PPFIA1: variants seen among roughly 807,000 people sequenced by gnomAD.
PPFIA1 encodes the protein PPFI scaffold protein A1, also known as liprin-alpha-1.
In PPFIA1, 25 loss-of-function variants were observed where a neutral mutation model predicts 149.9. That is an observed-to-expected ratio of 0.17 (90% CI 0.12 to 0.23). The LOEUF (loss-of-function observed/expected upper bound fraction) is 0.23, where lower values mean the gene tolerates loss of function less well. Among genes scored for constraint, PPFIA1 ranks in the 10% least tolerant of loss-of-function variants. The probability of loss-of-function intolerance (pLI) is 1.00; values close to 1 mark genes in which losing one functional copy is unlikely to be tolerated. For missense variants in PPFIA1, 1,362 were observed against 1,506.5 expected (o/e 0.90, Z 1.59); for synonymous variants, 549 against 552.8 (o/e 0.99, Z 0.10).
At chr11:70,374,664 A>C (rs1445109593) in intron 23 of PPFIA1, 6 of 407,890 alleles carry the variant, frequency 1.5e-5, no homozygotes, top group Non-Finnish European at 2.2e-5. Context: ...CTCTAGAAAT[A>C]ATAACTTCAT....
chr11:70,284,495 T>G (rs1299765958), intron 2 of PPFIA1, among the ~76,000 whole-genome samples: 1 of 138,088 alleles, frequency 7.2e-6, no homozygotes, highest in Non-Finnish European at 1.5e-5. Flanking sequence ...CAGTCAGTGG[T>G]AGAGACAGGG....
intron 13 of PPFIA1, 97 bp from the exon 14 acceptor site, chr11:70,339,074 G>A (rs2055150448): frequency 1.4e-6 from 2 of 1,447,762 alleles, no homozygotes; most frequent in Non-Finnish European, 1.9e-6. Flanking sequence ...TTTCCTGTGT[G>A]GAATAACTTT....
intron 2 of PPFIA1, among the ~76,000 whole-genome samples, chr11:70,320,572 C>T (rs554144963): frequency 6.6e-6 from 1 of 151,452 alleles, no homozygotes; most frequent in Non-Finnish European, 1.5e-5. Context: ...GCTACTGGGT[C>T]TACGCATGGT....
chr11:70,366,584 G>T (rs1053813767), intron 21 of PPFIA1, among the ~76,000 whole-genome samples: 1 of 152,124 alleles, frequency 6.6e-6, no homozygotes, highest in African/African-American at 2.4e-5. Flanking sequence ...CCGAAATGTC[G>T]TGCGACGCCA....
At chr11:70,341,357 G>A (rs1367276750) in intron 14 of PPFIA1, among the ~76,000 whole-genome samples, 1 of 152,018 alleles carries the variant, frequency 6.6e-6, no homozygotes, top group Non-Finnish European at 1.5e-5. Flanking sequence ...TTGTTATGGA[G>A]TGCCAACAAG....
chr11:70,381,835 A>G (rs2057726177), intron 26 of PPFIA1, among the ~76,000 whole-genome samples: 1 of 152,110 alleles, frequency 6.6e-6, no homozygotes, highest in South Asian at 2.1e-4. Context: ...TTGTTACTGT[A>G]CCATTTGGTG....
chr11:70,309,697 C>T (rs1445640216), intron 2 of PPFIA1, among the ~76,000 whole-genome samples: 3 of 151,916 alleles, frequency 2.0e-5, no homozygotes, highest in African/African-American at 7.2e-5. Flanking sequence ...CCATATGCTA[C>T]AACATGTCCG....
chr11:70,295,497 C>T (rs534226129), intron 2 of PPFIA1, among the ~76,000 whole-genome samples: 7 of 128,010 alleles, frequency 5.5e-5, no homozygotes, highest in Middle Eastern at 5.4e-3. Flanking sequence ...GGCGGCTGGC[C>T]GGGTGGGGGG....
chr11:70,350,422 A>G (rs1332178721), intron 16 of PPFIA1, among the ~76,000 whole-genome samples: 1 of 152,212 alleles, frequency 6.6e-6, no homozygotes, highest in South Asian at 2.1e-4. Flanking sequence ...TATGTGAATC[A>G]TAGGATGGAT....
At chr11:70,291,540 G>A (rs1210185324) in intron 2 of PPFIA1, among the ~76,000 whole-genome samples, 1 of 152,232 alleles carries the variant, frequency 6.6e-6, no homozygotes, top group Non-Finnish European at 1.5e-5. Flanking sequence ...ACTGGAGGGC[G>A]ATCTCAGCAG....
At chr11:70,284,359 C>G (rs1425587731) in intron 2 of PPFIA1, among the ~76,000 whole-genome samples, 2 of 152,204 alleles carry the variant, frequency 1.3e-5, no homozygotes, top group Non-Finnish European at 2.9e-5. Context: ...TTACATCTCT[C>G]TTTTGCACAC....
chr11:70,295,930 C>T lies in PPFIA1; in HGVS notation c.264+23494C>T, dbSNP rs566012943. Among the ~76,000 whole-genome samples, 427 of 151,004 alleles carry T rather than the reference C, an allele frequency of 2.8e-3. 1 individual carries two copies. The highest frequency in any genetic ancestry group is 0.01 in the African/African-American group (414 of 41,038). On this transcript the variant is annotated intron_variant, in intron 2 of 27. Transcript: ENST00000253925. ...GGGTCTCCTCACTTCTCAGACGGGGCGGTTGCCAGGCGGAGGGTCTCCTCC... is the reference window on the plus strand; with the variant it reads ...GGGTCTCCTCACTTCTCAGACGGGGTGGTTGCCAGGCGGAGGGTCTCCTCC...
At chr11:70,279,896 G>A (rs1247239665) in intron 2 of PPFIA1, among the ~76,000 whole-genome samples, 1 of 147,704 alleles carries the variant, frequency 6.8e-6, no homozygotes, top group East Asian at 1.9e-4. Flanking sequence ...GCCTGTGTGT[G>A]TGTGGGGGAT....
chr11:70,296,143 T>C (rs1246701463), intron 2 of PPFIA1, among the ~76,000 whole-genome samples: 1 of 147,788 alleles, frequency 6.8e-6, no homozygotes, highest in African/African-American at 2.5e-5. Context: ...GAAGAGGTGC[T>C]CCTCACTTCC....
rs140522822 is a variant in PPFIA1, at chr11:70,326,390, C to A, written c.708+27C>A. 325 of 1,528,714 alleles carry A rather than the reference C, an allele frequency of 2.1e-4. No homozygotes were observed. The East Asian group carries it at 5.5e-3, about 26-fold the overall frequency. The allele number at this position is 1,528,714 out of a possible 1,614,324, so 94.7% of individuals were successfully genotyped here. On this transcript the variant is annotated intron_variant, in intron 6 of 27. Transcript: ENST00000253925. Reference sequence around the variant, plus strand: ...CAAGTCTGTAGGCTTTGTCTTTATTCTGTTTGATTTCATTTGTTCACAGTA... The same window carrying A: ...CAAGTCTGTAGGCTTTGTCTTTATTATGTTTGATTTCATTTGTTCACAGTA...
chr11:70,318,742 G>T (rs1218755178), intron 2 of PPFIA1, among the ~76,000 whole-genome samples: 2 of 152,206 alleles, frequency 1.3e-5, no homozygotes, highest in African/African-American at 4.8e-5. Context: ...CAGCAAGTCC[G>T]ACCAACAAGC....
intron 21 of PPFIA1, among the ~76,000 whole-genome samples, chr11:70,363,578 A>G (rs974822029): frequency 1.3e-5 from 2 of 152,142 alleles, no homozygotes; most frequent in African/African-American, 4.8e-5. Flanking sequence ...CAGTGGCTCA[A>G]TCGTAGCTCA....
chr11:70,377,133 GT>G (rs1363898272), intron 25 of PPFIA1, among the ~76,000 whole-genome samples: 1 of 151,812 alleles, frequency 6.6e-6, no homozygotes, highest in Non-Finnish European at 1.5e-5. Flanking sequence ...CAAGAAGGTA[GT>G]TTTGTTTTTA....
At chr11:70,382,216 G>A (rs531407690) in intron 27 of PPFIA1, 58 bp downstream of exon 27, 266 of 1,376,766 alleles carry the variant, frequency 1.9e-4, no homozygotes, top group Non-Finnish European at 2.4e-4. Context: ...AGGAGTCATC[G>A]GAGCTGCAGT....
Sources: gnomAD v4.1 joint callset for allele counts (sites outside exome capture counted in the v4.1 genomes callset) on GRCh38, gnomAD v4.1.1 for gene constraint, MANE v1.5 for transcripts, NCBI Gene and HGNC (gene_info 2026-07-23, HGNC 2026-07-21) for gene names.